RELL1: variants seen among roughly 807,000 people sequenced by gnomAD.
The protein encoded by RELL1 is RELT like 1.
Under a neutral mutation model 23.0 loss-of-function variants are expected in RELL1, and 10 were observed. The observed-to-expected ratio is 0.43, with a 90% confidence interval of 0.27 to 0.74. The LOEUF is 0.74. RELL1 is among the 30% of genes least tolerant of loss of function. RELL1 has a pLI of 0.19. For synonymous variants in RELL1, 146 were observed against 146.8 expected (o/e 0.99, Z 0.04); for missense variants, 315 against 364.4 (o/e 0.86, Z 1.10).
intron 1 of RELL1, 92 bp downstream of exon 1, chr4:37,686,108 G>A: frequency 9.2e-7 from 1 of 1,092,774 alleles, no homozygotes; most frequent in East Asian, 3.0e-5. Flanking sequence ...AAAGCAGGAC[G>A]CCGCGGGGCT....
At chr4:37,651,266 C>T (rs542344491) in intron 1 of RELL1, among the ~76,000 whole-genome samples, 5 of 151,848 alleles carry the variant, frequency 3.3e-5, no homozygotes, top group Non-Finnish European at 5.9e-5. Flanking sequence ...GAAGAACATA[C>T]CGTGTAGCAA....
chr4:37,670,967 ATAT>A (rs1261480668), intron 1 of RELL1, among the ~76,000 whole-genome samples: 3 of 152,204 alleles, frequency 2.0e-5, no homozygotes, highest in Admixed American at 1.3e-4. Flanking sequence ...CAACGTTTTC[ATAT>A]TATGAGTTGG....
intron 4 of RELL1, among the ~76,000 whole-genome samples, chr4:37,637,567 G>C (rs568156725): frequency 1.6e-3 from 236 of 152,136 alleles, no homozygotes; most frequent in African/African-American, 5.5e-3. Context: ...ATGCCCATTG[G>C]CCCCCCGGGG....
chr4:37,656,611 G>C lies in RELL1; in HGVS notation c.89-7111C>G, dbSNP rs150652849. ...GAAATTTGGTCCCCAATGTAACAGTGTTGAGCTGTAGTGGGACCTTTAAGA... is the reference window on the plus strand; with the variant it reads ...GAAATTTGGTCCCCAATGTAACAGTCTTGAGCTGTAGTGGGACCTTTAAGA... On this transcript the variant is annotated intron_variant, in intron 1 of 6. Transcript: ENST00000454158. Among the ~76,000 whole-genome samples, 68 of 152,350 alleles carry C rather than the reference G, an allele frequency of 4.5e-4. 1 individual carries two copies. The East Asian group carries it at 0.011, about 24-fold the overall frequency.
At chr4:37,628,142 T>C (rs970180443) in intron 6 of RELL1, among the ~76,000 whole-genome samples, 1 of 152,136 alleles carries the variant, frequency 6.6e-6, no homozygotes, top group Non-Finnish European at 1.5e-5. Flanking sequence ...GGCCTATACT[T>C]CATTGGGGTA....
At chr4:37,640,715 G>GTCATTATT (rs529859246) in intron 3 of RELL1, among the ~76,000 whole-genome samples, 93 of 151,994 alleles carry the variant, frequency 6.1e-4, no homozygotes, top group African/African-American at 2.1e-3. Context: ...CAAGAAAAAA[G>GTCATTATT]TCTGCACATG....
At chr4:37,628,539 G>A (rs930080242) in intron 6 of RELL1, among the ~76,000 whole-genome samples, 1 of 152,050 alleles carries the variant, frequency 6.6e-6, no homozygotes, top group Non-Finnish European at 1.5e-5. Flanking sequence ...TTTTCATAAC[G>A]AAGAATTAAT....
chr4:37,675,018 T>C lies in RELL1; in HGVS notation c.88+11182A>G, dbSNP rs1317842351. On this transcript the variant is annotated intron_variant, in intron 1 of 6. Transcript: ENST00000454158. ...TCTTTTCAGGAAATTGAAATTGATA[T>C]GTTGTATCTCCCTCATGCCAAAATT... is the stretch of plus-strand genomic sequence containing the variant. 2.0e-5 allele frequency among the ~76,000 whole-genome samples: 3 copies of C among 152,218 alleles called. No individual in the cohort carries two copies. In the East Asian group the frequency reaches 5.8e-4, roughly 29 times the overall value.
intron 3 of RELL1, among the ~76,000 whole-genome samples, chr4:37,646,649 T>C (rs1720718651): frequency 6.6e-6 from 1 of 152,356 alleles, no homozygotes; most frequent in African/African-American, 2.4e-5. Flanking sequence ...AGACAATATT[T>C]GAGTACTTAC....
In RELL1 at chr4:37,612,636, CAAAA is replaced by C. The variant is rs978165271; in HGVS notation, c.*706_*709del. Among the ~76,000 whole-genome samples the C allele has an allele frequency of 1.1e-3, 65 of 60,166 alleles. No individual in the cohort carries two copies. The highest frequency in any genetic ancestry group is 3.1e-3 in the African/African-American group (56 of 18,012). 39.5% of individuals were successfully genotyped at this position (60,166 alleles called of 152,430 possible). ...TAGGGGACACAGCGAGACTCTGCCT[CAAAA>C]AAAAAAAAAAAAAAACCTTCTCAAA... On this transcript the variant is annotated 3_prime_UTR_variant, in exon 7 of 7. Transcript: ENST00000454158.
At chr4:37,676,872 T>C (rs75959924) in intron 1 of RELL1, among the ~76,000 whole-genome samples, 6,297 of 152,190 alleles carry the variant, frequency 0.041, 310 homozygotes, top group South Asian at 0.18. Context: ...AAATATTTAC[T>C]CTATTCCGGG....
chr4:37,634,034 T>C (rs1720232296), intron 5 of RELL1, among the ~76,000 whole-genome samples: 1 of 152,234 alleles, frequency 6.6e-6, no homozygotes, highest in Admixed American at 6.5e-5. Flanking sequence ...CTCCCCACTG[T>C]CTTTCCAAAT....
At chr4:37,622,681 T>C in intron 6 of RELL1, 1 of 384,616 alleles carries the variant, frequency 2.6e-6, no homozygotes, top group Middle Eastern at 9.3e-4. Context: ...GAGAAAAGTC[T>C]GGTATAAGCA....
downstream of RELL1, among the ~76,000 whole-genome samples, chr4:37,605,889 GAGAA>G (rs374984455): frequency 1.7e-3 from 221 of 128,918 alleles, 2 homozygotes; most frequent in African/African-American, 5.6e-3. Context: ...AGGAAAGAAA[GAGAA>G]AGAAAGGAAG....
rs187047665 is a variant in RELL1, at chr4:37,659,194, T to G, written c.89-9694A>C. On this transcript the variant is annotated intron_variant, in intron 1 of 6. Transcript: ENST00000454158. ...ACACAAAGGCCAGTGTTTGTCAAAA[T>G]TCTTTGGGTTTTTCCTGGGCCCAGT... 3.3e-5 allele frequency among the ~76,000 whole-genome samples: 5 copies of G among 152,348 alleles called. No individual in the cohort carries two copies. The East Asian group carries it at 9.6e-4, about 29-fold the overall frequency.
At chr4:37,595,489 A>G (rs1052767323) in intron 6 of RELL1, among the ~76,000 whole-genome samples, 2 of 151,858 alleles carry the variant, frequency 1.3e-5, no homozygotes, top group Non-Finnish European at 2.9e-5. Context: ...GAAAGAATAC[A>G]TAAAAGAAGT....
intron 6 of RELL1, among the ~76,000 whole-genome samples, chr4:37,613,608 C>T (rs1029323727): frequency 1.6e-4 from 24 of 152,134 alleles, no homozygotes; most frequent in Non-Finnish European, 2.9e-5. Context: ...CTCTCTCTTG[C>T]TCCTGCTTTT....
At position 37,612,315 on chromosome 4, in the gene RELL1, T is replaced by TAA. The variant is rs374071848; in HGVS notation, c.*1029_*1030dup. Among the ~76,000 whole-genome samples, 740 of 110,568 alleles carry TAA rather than the reference T, an allele frequency of 6.7e-3. 3 individuals are homozygous for TAA. Among genetic ancestry groups the TAA allele is most frequent in the African/African-American group, 0.024 (712 of 29,144 alleles). The allele number at this position is 110,568 out of a possible 152,430, so 72.5% of individuals were successfully genotyped here. ...ATGGATTAACCAAGAATCGCTCAGC[T>TAA]AAAGGTTAAAAAAAAAAAAAAAACA... On this transcript the variant is annotated 3_prime_UTR_variant, in exon 7 of 7. Coordinates refer to ENST00000454158, the MANE Select transcript of RELL1 (RefSeq NM_001085400.2).
chr4:37,653,348 A>G (rs554487549), intron 1 of RELL1, among the ~76,000 whole-genome samples: 1 of 52,002 alleles, frequency 1.9e-5, no homozygotes, highest in South Asian at 7.5e-4. Context: ...TGAAACCTCA[A>G]TACAAGTATT....
Sources: allele counts gnomAD v4.1 joint callset (sites outside exome capture counted in the v4.1 genomes callset), GRCh38; gene constraint gnomAD v4.1.1; transcripts MANE v1.5; gene names NCBI Gene and HGNC (gene_info 2026-07-23, HGNC 2026-07-21).